The following CUL1 variants were observed in gnomAD, a reference collection of about 807,000 sequenced individuals.
CUL1 encodes the protein cullin 1, also known as cullin-1.
Under a neutral mutation model 118.0 loss-of-function variants are expected in CUL1, and 24 were observed. The ratio of observed to expected loss-of-function variants is 0.20; its 90% CI spans 0.15 to 0.29. The LOEUF (loss-of-function observed/expected upper bound fraction) is 0.29. Among genes scored for constraint, CUL1 ranks in the 10% least tolerant of loss-of-function variants. CUL1 has a pLI of 1.00. For synonymous variants in CUL1, 332 were observed against 340.4 expected, an observed-to-expected ratio of 0.98 and a Z score of 0.27; for missense variants, 361 against 933.8, an observed-to-expected ratio of 0.39 and a Z score of 7.99.
intron 1 of CUL1, among the ~76,000 whole-genome samples, chr7:148,724,452 C>T (rs1211536854): frequency 1.3e-5 from 2 of 152,146 alleles, no homozygotes; most frequent in Middle Eastern, 3.2e-3. Flanking sequence ...TGTGTCTGCA[C>T]GCGTGTGTGT....
At chr7:148,791,975 T>C (rs1023676925) in intron 16 of CUL1, among the ~76,000 whole-genome samples, 11 of 152,122 alleles carry the variant, frequency 7.2e-5, no homozygotes, top group Non-Finnish European at 1.5e-5. Context: ...GATCACAAGG[T>C]CAGGAGTTCG....
At chr7:148,798,416 G>A (rs904860354) in intron 19 of CUL1, among the ~76,000 whole-genome samples, 156 bp from the exon 20 acceptor site, 1 of 152,046 alleles carries the variant, frequency 6.6e-6, no homozygotes, top group Non-Finnish European at 1.5e-5. Context: ...ACCCAGTGCT[G>A]GGTAGAGGAC....
At chr7:148,789,050 A>C (rs185808456) in intron 14 of CUL1, among the ~76,000 whole-genome samples, 261 of 152,304 alleles carry the variant, frequency 1.7e-3, no homozygotes, top group African/African-American at 6.1e-3. Context: ...GGGATTAGGG[A>C]TCAGTACAGG....
At chr7:148,722,230 G>T (rs1487802803) in intron 1 of CUL1, among the ~76,000 whole-genome samples, 1 of 152,162 alleles carries the variant, frequency 6.6e-6, no homozygotes, top group Non-Finnish European at 1.5e-5. Flanking sequence ...GGCTCTCCCT[G>T]TGGTCACCGA....
chr7:148,792,606 G>T, intron 16 of CUL1, 120 bp from the exon 17 acceptor site: 7 of 579,172 alleles, frequency 1.2e-5, no homozygotes, highest in Admixed American at 1.1e-4. Flanking sequence ...TGCTTTTTTT[G>T]TACTTGTTTA....
intron 9 of CUL1, among the ~76,000 whole-genome samples, chr7:148,770,951 T>G (rs1475742668): frequency 6.6e-6 from 1 of 152,242 alleles, no homozygotes; most frequent in African/African-American, 2.4e-5. Context: ...TACATGATTT[T>G]AAGTGGGATT....
At chr7:148,783,162 G>A (rs918250332) in intron 9 of CUL1, among the ~76,000 whole-genome samples, 4 of 152,248 alleles carry the variant, frequency 2.6e-5, no homozygotes, top group African/African-American at 9.6e-5. Context: ...GGCCACAGGA[G>A]CCTCTGCGGC....
intron 9 of CUL1, 132 bp downstream of exon 9, chr7:148,767,881 T>C (rs989300715): frequency 3.1e-6 from 3 of 953,756 alleles, no homozygotes; most frequent in African/African-American, 3.3e-5. Flanking sequence ...CCATGTTTTG[T>C]CTTTTTGAAG....
intron 6 of CUL1, 109 bp downstream of exon 6, chr7:148,759,747 G>C: frequency 1.9e-6 from 1 of 520,142 alleles, no homozygotes; most frequent in East Asian, 3.3e-5. Context: ...AAAGGATATT[G>C]TTAGCATTTA....
chr7:148,793,030 C>T (rs979951122), intron 17 of CUL1, among the ~76,000 whole-genome samples: 2 of 152,200 alleles, frequency 1.3e-5, no homozygotes, highest in African/African-American at 4.8e-5. Flanking sequence ...CATGGTGGCA[C>T]ATGCCTGTAG....
In CUL1 at chr7:148,732,417, A is replaced by G. The variant is rs182114196; in HGVS notation, c.140+2155A>G. Among the ~76,000 whole-genome samples the G allele has an allele frequency of 1.5e-3, 220 of 145,576 alleles. 3 individuals are homozygous for G. In the East Asian group the frequency reaches 0.037, roughly 25 times the overall value. On this transcript the variant is annotated intron_variant, in intron 2 of 21. Transcript: ENST00000325222. ...AAGTGCAGTGTCATGATCTCGGCTC[A>G]CTGCAACCTCTGTCTCCCAGGCTTA...
At chr7:148,740,802 C>A (rs1162910224) in intron 2 of CUL1, among the ~76,000 whole-genome samples, 8 of 152,154 alleles carry the variant, frequency 5.3e-5, no homozygotes, top group African/African-American at 1.9e-4. Context: ...AGAGCTCTCT[C>A]TCCACATACA....
intron 7 of CUL1, among the ~76,000 whole-genome samples, chr7:148,763,798 C>T (rs1423276924): frequency 6.6e-5 from 10 of 152,168 alleles, no homozygotes. Flanking sequence ...ATTGTGTTTA[C>T]ATTACAACAA....
chr7:148,788,764 G>C (rs1800904540), intron 14 of CUL1, 90 bp downstream of exon 14: 2 of 866,164 alleles, frequency 2.3e-6, no homozygotes, highest in Non-Finnish European at 1.8e-6. Flanking sequence ...GAAGATGGGA[G>C]GGGCTTTGTC....
At chr7:148,794,140 ATACTAGAT>A (rs2129463487) in intron 17 of CUL1, among the ~76,000 whole-genome samples, 1 of 152,010 alleles carries the variant, frequency 6.6e-6, no homozygotes, top group East Asian at 1.9e-4. Flanking sequence ...AATATTCTGT[ATACTAGAT>A]CCTTATCAAA....
chr7:148,764,945 T>C (rs1799955495), intron 7 of CUL1, among the ~76,000 whole-genome samples: 1 of 152,244 alleles, frequency 6.6e-6, no homozygotes, highest in African/African-American at 2.4e-5. Flanking sequence ...TGGGTAATCA[T>C]AGTTCATTAA....
intron 1 of CUL1, among the ~76,000 whole-genome samples, chr7:148,722,290 C>T (rs771282920): frequency 7.2e-5 from 11 of 152,150 alleles, no homozygotes; most frequent in Non-Finnish European, 1.3e-4. Context: ...TAACGAATGC[C>T]CTCAGCTGCC....
intron 2 of CUL1, among the ~76,000 whole-genome samples, chr7:148,744,921 C>G (rs767004063): frequency 5.3e-5 from 8 of 152,004 alleles, no homozygotes; most frequent in Non-Finnish European, 1.0e-4. Context: ...ACCACTTAAA[C>G]ATGTTATTGC....
At chr7:148,737,467 C>A (rs2129459815) in intron 2 of CUL1, among the ~76,000 whole-genome samples, 1 of 151,658 alleles carries the variant, frequency 6.6e-6, no homozygotes, top group South Asian at 2.1e-4. Context: ...ACGGATTATA[C>A]AGGATAGTAT....
Sources: gnomAD v4.1 joint callset for allele counts (sites outside exome capture counted in the v4.1 genomes callset) on GRCh38, gnomAD v4.1.1 for gene constraint, MANE v1.5 for transcripts, NCBI Gene and HGNC (gene_info 2026-07-23, HGNC 2026-07-21) for gene names.